DCDC1: variants seen among roughly 807,000 people sequenced by gnomAD.
DCDC1 encodes doublecortin domain containing 1.
In DCDC1, 200 loss-of-function variants were observed where a neutral mutation model predicts 178.3. The observed-to-expected ratio is 1.12, with a 90% CI of 1.00 to 1.26. The LOEUF (loss-of-function observed/expected upper bound fraction) is 1.26. Among genes scored for constraint, DCDC1 ranks in the 50% most tolerant of loss-of-function variants. The pLI is 0.00. For synonymous variants in DCDC1, 690 were observed against 604.8 expected, an observed-to-expected ratio of 1.14 and a Z score of -2.07; for missense variants, 1,983 against 1,749.2, an observed-to-expected ratio of 1.13 and a Z score of -2.38.
rs1957981778 is a variant in DCDC1 at position 31,094,034 on chromosome 11, A to G, written c.2118+16T>C. On this transcript the variant is annotated intron_variant, in intron 16 of 38. Transcript: ENST00000684477. ...CAAGGGGAGGTCACTCAGCAAAAGC[A>G]GACACTCTTAGGTACCTTGGTGATC... 1 of 763,916 alleles carries G rather than the reference A, an allele frequency of 1.3e-6. No individual in the cohort carries two copies. 47.3% of individuals were successfully genotyped at this position (763,916 alleles called of 1,614,324 possible).
intron 21 of DCDC1, among the ~76,000 whole-genome samples, chr11:30,933,477 T>TA (rs1223964211): frequency 6.6e-6 from 1 of 152,194 alleles, no homozygotes; most frequent in Non-Finnish European, 1.5e-5. Flanking sequence ...TTTAAAAATT[T>TA]AAACTAATAT....
At chr11:31,228,131 A>G (rs747900334) in intron 9 of DCDC1, among the ~76,000 whole-genome samples, 11 of 152,108 alleles carry the variant, frequency 7.2e-5, no homozygotes, top group Non-Finnish European at 1.3e-4. Context: ...ACTCAAATCA[A>G]TAAGACAGAA....
rs1944941339 is a variant in DCDC1, at chr11:30,904,785, G to C, written c.4308+176C>G. 2.1e-5 allele frequency: 15 copies of C among 719,700 alleles called. No individual in the cohort carries two copies. The South Asian group carries it at 2.9e-4, about 14-fold the overall frequency. 44.6% of individuals were successfully genotyped at this position (719,700 alleles called of 1,614,324 possible). A position where few individuals can be genotyped will look rare whatever the true frequency, so the allele number is the denominator to read the frequency against. ...TAGTTTTTCTAAGTCTGTATCCACT[G>C]ACATACAATCAAATAAAATGTCTTT... On this transcript the variant is annotated intron_variant, in intron 31 of 38. Transcript: ENST00000684477.
chr11:31,125,985 C>A (rs1218716626), intron 11 of DCDC1, among the ~76,000 whole-genome samples: 1 of 151,986 alleles, frequency 6.6e-6, no homozygotes, highest in Non-Finnish European at 1.5e-5. Context: ...ACAATTCTGA[C>A]CCTAAAGTTA....
At chr11:30,997,180 T>C (rs1046259951) in intron 20 of DCDC1, among the ~76,000 whole-genome samples, 1 of 152,044 alleles carries the variant, frequency 6.6e-6, no homozygotes, top group African/African-American at 2.4e-5. Context: ...GAGACAGGGG[T>C]AGAGGATAGA....
In DCDC1 at chr11:31,318,831, G is replaced by A. The variant is rs1181416015; in HGVS notation, c.164+9286C>T. Reference sequence around the variant, plus strand: ...TTTCCCTCTACACACTGTTTTGAACGCGTCCCAGAGATTCTGGTATGTGGT... The same window carrying A: ...TTTCCCTCTACACACTGTTTTGAACACGTCCCAGAGATTCTGGTATGTGGT... On this transcript the variant is annotated intron_variant, in intron 3 of 38. Transcript: ENST00000684477. Among the ~76,000 whole-genome samples the A allele has an allele frequency of 3.1e-5, 2 of 64,946 alleles. 1 individual carries two copies. Among genetic ancestry groups the A allele is most frequent in the Non-Finnish European group, 5.4e-5 (2 of 36,996 alleles). 42.6% of individuals were successfully genotyped at this position (64,946 alleles called of 152,430 possible). A position where few individuals can be genotyped will look rare whatever the true frequency, so the allele number is the denominator to read the frequency against.
At chr11:30,900,009 A>G (rs542691161) in intron 33 of DCDC1, among the ~76,000 whole-genome samples, 18 of 152,250 alleles carry the variant, frequency 1.2e-4, no homozygotes, top group Admixed American at 9.2e-4. Flanking sequence ...GAAAATGTGC[A>G]GACAGGTCGT....
intron 20 of DCDC1, among the ~76,000 whole-genome samples, chr11:31,013,211 C>T (rs946976651): frequency 1.3e-5 from 2 of 152,092 alleles, no homozygotes; most frequent in Non-Finnish European, 2.9e-5. Context: ...ATATTGTATA[C>T]CTCTTTCTTA....
At chr11:31,081,465 C>G (rs1231580474) in intron 17 of DCDC1, among the ~76,000 whole-genome samples, 1 of 151,958 alleles carries the variant, frequency 6.6e-6, no homozygotes, top group Non-Finnish European at 1.5e-5. Context: ...AAAAAATTAG[C>G]CGGGTGTGGT....
intron 9 of DCDC1, among the ~76,000 whole-genome samples, chr11:31,202,407 A>G (rs1221126467): frequency 1.3e-5 from 2 of 152,068 alleles, no homozygotes; most frequent in Non-Finnish European, 2.9e-5. Flanking sequence ...CGCAAAAAAA[A>G]AAAGAAAAAA....
intron 9 of DCDC1, among the ~76,000 whole-genome samples, chr11:31,199,774 T>C (rs1190908845): frequency 6.6e-6 from 1 of 152,168 alleles, no homozygotes; most frequent in Non-Finnish European, 1.5e-5. Flanking sequence ...ATACCAACAC[T>C]ACTCTCAGGT....
At chr11:31,009,152 G>T (rs1460632581) in intron 20 of DCDC1, among the ~76,000 whole-genome samples, 1 of 152,060 alleles carries the variant, frequency 6.6e-6, no homozygotes, top group Non-Finnish European at 1.5e-5. Flanking sequence ...AAAGAAAAAG[G>T]CTTTATGGAA....
chr11:31,333,191 C>T (rs1230921551), intron 2 of DCDC1, among the ~76,000 whole-genome samples: 1 of 152,138 alleles, frequency 6.6e-6, no homozygotes, highest in Non-Finnish European at 1.5e-5. Flanking sequence ...TTATCAGAGA[C>T]TAGGTTTGCA....
chr11:31,022,321 G>A (rs1422344949), intron 20 of DCDC1, among the ~76,000 whole-genome samples: 2 of 152,128 alleles, frequency 1.3e-5, no homozygotes, highest in Non-Finnish European at 2.9e-5. Flanking sequence ...TCTATTGACA[G>A]ATAGTATGTT....
rs765181678 is a variant in DCDC1 at position 30,899,608 on chromosome 11, G to A, written c.4698C>T (p.Asn1566=). 1.9e-6 allele frequency: 3 copies of A among 1,572,018 alleles called. No homozygotes were observed. The highest frequency in any genetic ancestry group is 2.6e-6 in the Non-Finnish European group (3 of 1,158,480). The change falls in exon 34 of 39, where the codon AAC becomes AAT. Residue 1566 remains asparagine, a synonymous_variant. Transcript: ENST00000684477. ...LQKAEKLEKQ[N]WLKKDRILAD... is the part of the protein sequence containing the mutation. ...CCAAAATTCTGTCCTTTTTTAGCCA[G>A]TTCTGTTTCTCTAATTTTTCTGCTT...
chr11:31,305,514 T>G, intron 6 of DCDC1, 101 bp downstream of exon 6: 1 of 1,457,292 alleles, frequency 6.9e-7, no homozygotes, highest in African/African-American at 1.4e-5. Flanking sequence ...ATTAGTTTTG[T>G]TAAACCATGC....
intron 20 of DCDC1, among the ~76,000 whole-genome samples, chr11:30,974,459 G>A (rs1446723693): frequency 6.6e-6 from 1 of 151,632 alleles, no homozygotes; most frequent in Non-Finnish European, 1.5e-5. Context: ...AAAATGCAAT[G>A]AACTGTTAGC....
chr11:30,949,391 T>A (rs1195357446), intron 21 of DCDC1, among the ~76,000 whole-genome samples: 1 of 152,196 alleles, frequency 6.6e-6, no homozygotes, highest in Admixed American at 6.5e-5. Flanking sequence ...ATAGGAATGC[T>A]TTTACACTGT....
intron 9 of DCDC1, among the ~76,000 whole-genome samples, chr11:31,157,929 G>A (rs940113509): frequency 6.6e-6 from 1 of 151,998 alleles, no homozygotes; most frequent in Non-Finnish European, 1.5e-5. Context: ...AATAAAATTT[G>A]TATATATTTT....
Sources: gnomAD v4.1 joint callset for allele counts (sites outside exome capture counted in the v4.1 genomes callset) on GRCh38, gnomAD v4.1.1 for gene constraint, MANE v1.5 for transcripts, NCBI Gene and HGNC (gene_info 2026-07-23, HGNC 2026-07-21) for gene names.